The following PRKN variants were observed in gnomAD, a reference collection of about 807,000 sequenced individuals.
PRKN encodes the protein parkin RBR E3 ubiquitin protein ligase.
Under a neutral mutation model 59.5 loss-of-function variants are expected in PRKN, and 56 were observed. The observed-to-expected ratio is 0.94, with a 90% CI of 0.76 to 1.18. The LOEUF (loss-of-function observed/expected upper bound fraction) is 1.18, where lower values mean the gene tolerates loss of function less well. Among genes scored for constraint, PRKN ranks in the 50% most tolerant of loss-of-function variants. PRKN has a pLI of 0.00. For missense variants in PRKN, 657 were observed against 596.4 expected, an observed-to-expected ratio of 1.10 and a Z score of -1.06; for synonymous variants, 250 against 222.1, an observed-to-expected ratio of 1.13 and a Z score of -1.12.
intron 2 of PRKN, among the ~76,000 whole-genome samples, chr6:162,435,917 T>C (rs1296447266): frequency 1.3e-5 from 2 of 152,144 alleles, no homozygotes; most frequent in Admixed American, 1.3e-4. Context: ...AATTCTTTTA[T>C]ATACAAACAA....
intron 7 of PRKN, among the ~76,000 whole-genome samples, chr6:161,713,286 G>C (rs1786829116): frequency 6.6e-6 from 1 of 152,146 alleles, no homozygotes; most frequent in Admixed American, 6.5e-5. Context: ...TACATGTTCA[G>C]TACCCCAGAA....
intron 6 of PRKN, among the ~76,000 whole-genome samples, chr6:161,957,432 G>GTTTTTTT (rs759971034): frequency 1.8e-5 from 2 of 112,856 alleles, no homozygotes; most frequent in Non-Finnish European, 1.9e-5. Flanking sequence ...TTGTTTGTTT[G>GTTTTTTT]TTTGTTTTTT....
chr6:161,359,985 G>C lies in PRKN; in HGVS notation c.1285+103C>G, dbSNP rs373028813. On this transcript the variant is annotated intron_variant, in intron 11 of 11. Transcript: ENST00000366898. The surrounding 1 kb of genome is among the most constrained non-coding windows in gnomAD (Gnocchi z 5.4). ...ATCGAGGGGTTACCCAACACACCAG[G>C]CACCTTCAGACAGCATCTCCTTTAA... 1.6e-4 allele frequency: 140 copies of C among 857,894 alleles called. No individual in the cohort carries two copies. In the East Asian group the frequency reaches 2.1e-3, roughly 13 times the overall value. 53.1% of individuals were successfully genotyped at this position (857,894 alleles called of 1,614,324 possible).
chr6:161,374,708 T>TGATG (rs1785612363), intron 10 of PRKN, among the ~76,000 whole-genome samples: 1 of 3,064 alleles, frequency 3.3e-4, no homozygotes, highest in African/African-American at 1.2e-3. Context: ...TGCGTTATGT[T>TGATG]TATGTGTGTG....
chr6:162,489,879 C>T (rs112085507), intron 1 of PRKN, among the ~76,000 whole-genome samples: 2 of 152,194 alleles, frequency 1.3e-5, no homozygotes, highest in South Asian at 4.1e-4. Flanking sequence ...AGGGTCACAA[C>T]CCCTCCTCAT....
chr6:162,563,856 GAGCTGAAAAACACAA>G (rs1296383482), intron 1 of PRKN, among the ~76,000 whole-genome samples: 1 of 152,018 alleles, frequency 6.6e-6, no homozygotes, highest in Non-Finnish European at 1.5e-5. Flanking sequence ...AGAAATTCTG[GAGCTGAAAAACACAA>G]TTGGCATACT....
At chr6:161,953,425 A>T (rs1016155540) in intron 6 of PRKN, among the ~76,000 whole-genome samples, 6 of 152,236 alleles carry the variant, frequency 3.9e-5, no homozygotes, top group African/African-American at 1.2e-4. Context: ...TTATTTATTT[A>T]TTTTTTAAGA....
chr6:162,606,579 T>C (rs1001785857), intron 1 of PRKN, among the ~76,000 whole-genome samples: 5 of 152,198 alleles, frequency 3.3e-5, no homozygotes, highest in South Asian at 4.2e-4. Flanking sequence ...AGATGATTGA[T>C]TGGACTAGGG....
intron 1 of PRKN, among the ~76,000 whole-genome samples, chr6:162,720,326 T>C (rs1353067239): frequency 1.3e-5 from 2 of 152,120 alleles, no homozygotes; most frequent in Non-Finnish European, 2.9e-5. Context: ...AGGGCTCTCA[T>C]GTGAAACTTT....
At chr6:162,465,153 TGA>T (rs1791358368) in intron 1 of PRKN, among the ~76,000 whole-genome samples, 1 of 152,182 alleles carries the variant, frequency 6.6e-6, no homozygotes, top group Admixed American at 6.5e-5. Flanking sequence ...ATCACTTCTA[TGA>T]ACATTTTAAA....
In PRKN at chr6:161,621,527, C is replaced by T. The variant is rs530422769; in HGVS notation, c.872-52111G>A. On this transcript the variant is annotated intron_variant, in intron 7 of 11. Coordinates refer to ENST00000366898, the MANE Select transcript of PRKN (RefSeq NM_004562.3). ...TAATTTGTTTTCCTTTGTTTTTCCT[C>T]TATATAGGCCCCCAGGAGCCTGAAT... 1.7e-3 allele frequency among the ~76,000 whole-genome samples: 257 copies of T among 152,170 alleles called. 2 individuals carry two copies. The highest frequency in any genetic ancestry group is 2.8e-3 in the Non-Finnish European group (189 of 68,002).
rs184105717 is a variant in PRKN at position 162,197,233 on chromosome 6, T to C, written c.534+3898A>G. ...ACACTTGGCAAAGTTTAGCACCTAC[T>C]CCATTATTGCAAAGCCTAAATTTGC... On this transcript the variant is annotated intron_variant, in intron 4 of 11. Transcript: ENST00000366898. 7.9e-5 allele frequency among the ~76,000 whole-genome samples: 12 copies of C among 152,326 alleles called. No individual in the cohort carries two copies. The East Asian group carries it at 1.7e-3, about 22-fold the overall frequency.
intron 9 of PRKN, among the ~76,000 whole-genome samples, chr6:161,541,769 C>T (rs560590135): frequency 2.6e-5 from 4 of 151,630 alleles, no homozygotes; most frequent in East Asian, 1.9e-4. Context: ...GACAGTGAGC[C>T]GAGATCATGC....
chr6:162,070,834 T>C (rs540079725), intron 4 of PRKN, among the ~76,000 whole-genome samples: 2 of 152,124 alleles, frequency 1.3e-5, no homozygotes, highest in African/African-American at 2.4e-5. Context: ...CTCGCTCGCC[T>C]ACTGCTTATC....
intron 6 of PRKN, among the ~76,000 whole-genome samples, chr6:161,809,721 TGCACTTAGG>T (rs1420275229): frequency 1.3e-5 from 2 of 152,170 alleles, no homozygotes; most frequent in Non-Finnish European, 2.9e-5. Flanking sequence ...CCTTGACAAA[TGCACTTAGG>T]GCACCCTTCA....
intron 1 of PRKN, among the ~76,000 whole-genome samples, chr6:162,555,865 C>G (rs756353342): frequency 6.6e-6 from 1 of 151,562 alleles, no homozygotes; most frequent in Non-Finnish European, 1.5e-5. Flanking sequence ...GTGGTGTATG[C>G]CTGTAATCCC....
intron 2 of PRKN, among the ~76,000 whole-genome samples, chr6:162,438,639 G>A (rs1789897629): frequency 6.6e-6 from 1 of 152,134 alleles, no homozygotes; most frequent in South Asian, 2.1e-4. Context: ...GGTTTCTGAT[G>A]AGAAATCCAC....
In PRKN at chr6:162,349,883, A is replaced by G. The variant is rs1784554234; in HGVS notation, c.172-87118T>C. ...TCCAAATTAAGAACTCCAGATAAACAAAAGACATCGAGGCTGGGAAAGAAG... is the reference window on the plus strand; with the variant it reads ...TCCAAATTAAGAACTCCAGATAAACGAAAGACATCGAGGCTGGGAAAGAAG... On this transcript the variant is annotated intron_variant, in intron 2 of 11. Coordinates refer to ENST00000366898, the MANE Select transcript of PRKN (RefSeq NM_004562.3). 1.3e-5 allele frequency among the ~76,000 whole-genome samples: 2 copies of G among 152,214 alleles called. 1 individual carries two copies. The highest frequency in any genetic ancestry group is 4.1e-4 in the South Asian group (2 of 4,836).
intron 4 of PRKN, among the ~76,000 whole-genome samples, chr6:162,120,437 G>C (rs1780862739): frequency 6.6e-6 from 1 of 152,092 alleles, no homozygotes; most frequent in East Asian, 1.9e-4. Flanking sequence ...TCACCTAATA[G>C]GACAACCATG....
Sources: allele counts gnomAD v4.1 joint callset (sites outside exome capture counted in the v4.1 genomes callset), GRCh38; gene constraint gnomAD v4.1.1; non-coding constraint Gnocchi (gnomAD v3.1); transcripts MANE v1.5; gene names NCBI Gene and HGNC (gene_info 2026-07-23, HGNC 2026-07-21).